TMPRSS15: variants seen among roughly 807,000 people sequenced by gnomAD.
TMPRSS15 encodes the protein enteropeptidase.
TMPRSS15 carries 128 observed loss-of-function variants against 125.3 expected under a neutral mutation model. That is an observed-to-expected ratio of 1.02 (90% CI 0.89 to 1.18). TMPRSS15 has a LOEUF of 1.18. Among genes scored for constraint, TMPRSS15 ranks in the 50% most tolerant of loss-of-function variants. TMPRSS15 has a pLI of 0.00. For synonymous variants in TMPRSS15, 446 were observed against 423.2 expected, an observed-to-expected ratio of 1.05 and a Z score of -0.66; for missense variants, 1,283 against 1,212.7, an observed-to-expected ratio of 1.06 and a Z score of -0.86.
rs747421061 is a variant in TMPRSS15 at position 18,294,275 on chromosome 21, C to T, written c.2481G>A (p.Val827=). The T allele has an allele frequency of 8.1e-6, 13 of 1,614,078 alleles. No homozygotes were observed. The African/African-American group carries it at 1.1e-4, about 13-fold the overall frequency. ...ACACTTGACATCACACTCACCCATACACGCAGTGTGCGGCGGACACCAGCC... is the reference window on the plus strand; with the variant it reads ...ACACTTGACATCACACTCACCCATATACGCAGTGTGCGGCGGACACCAGCC... ...SDWLVSAAHC[V]YGRNLEPSKW... The change falls in exon 21 of 25, where the codon GTG becomes GTA. Residue 827 remains valine (V), a synonymous_variant. Coordinates refer to ENST00000284885, the MANE Select transcript of TMPRSS15 (RefSeq NM_002772.3).
intron 18 of TMPRSS15, among the ~76,000 whole-genome samples, chr21:18,308,071 C>T (rs1159616551): frequency 1.3e-5 from 2 of 152,172 alleles, no homozygotes. Flanking sequence ...TCTTTAGAAA[C>T]TAAGTTCCTG....
chr21:18,467,550 T>C (rs1026220946), intron 1 of TMPRSS15, among the ~76,000 whole-genome samples: 1 of 152,122 alleles, frequency 6.6e-6, no homozygotes, highest in Non-Finnish European at 1.5e-5. Context: ...TTACCTTTGA[T>C]TATTTTGTTA....
Position 18,275,216 on chromosome 21 carries a change from C to T in TMPRSS15, c.2885G>A (p.Gly962Glu). The change falls in exon 24 of 25, where the codon GGA becomes GAA. Residue 962 changes from glycine to glutamate, a missense_variant. By Grantham distance (98) the Gly-to-Glu change is moderately conservative. Coordinates refer to ENST00000284885, the MANE Select transcript of TMPRSS15 (RefSeq NM_002772.3). ...ENMICAGYEE[G>E]GIDSCQGDSG... ...CTTTACCTGACAAGAATCTATTCCT[C>T]CTTCTTCATAGCCTGCACATATCAT... 2 of 1,614,040 alleles carry T rather than the reference C, an allele frequency of 1.2e-6. No homozygotes were observed. The highest frequency in any genetic ancestry group is 1.7e-6 in the Non-Finnish European group (2 of 1,179,962).
At chr21:18,342,118 C>T (rs759050408) in intron 12 of TMPRSS15, among the ~76,000 whole-genome samples, 1 of 152,054 alleles carries the variant, frequency 6.6e-6, no homozygotes, top group Non-Finnish European at 1.5e-5. Flanking sequence ...GCCCGGAGGA[C>T]ACAGAACGAG....
At chr21:18,397,829 A>G in intron 3 of TMPRSS15, 50 bp downstream of exon 3, 1 of 1,071,444 alleles carries the variant, frequency 9.3e-7, no homozygotes, top group East Asian at 2.6e-5. Context: ...AAATATTAGC[A>G]AAAAAATCAC....
intron 6 of TMPRSS15, among the ~76,000 whole-genome samples, chr21:18,368,772 G>T (rs1403386827): frequency 6.6e-6 from 1 of 152,094 alleles, no homozygotes; most frequent in Non-Finnish European, 1.5e-5. Flanking sequence ...GTCAATTCCT[G>T]CATTCAAGCA....
At chr21:18,363,249 A>T (rs538712741) in intron 7 of TMPRSS15, among the ~76,000 whole-genome samples, 1 of 152,246 alleles carries the variant, frequency 6.6e-6, no homozygotes, top group South Asian at 2.1e-4. Context: ...TTGGGGTAAC[A>T]TCTTAGGTTC....
chr21:18,470,288 G>GACCCTA (rs1251163562), intron 1 of TMPRSS15, among the ~76,000 whole-genome samples: 1 of 151,120 alleles, frequency 6.6e-6, no homozygotes, highest in African/African-American at 2.4e-5. Context: ...CCATGTACTT[G>GACCCTA]ACCCTCCTAT....
chr21:18,477,433 A>T (rs972519287), intron 1 of TMPRSS15: 1 of 152,112 alleles, frequency 6.6e-6, no homozygotes, highest in Non-Finnish European at 1.5e-5. Context: ...TATAGATAGA[A>T]AGTTCATACA....
intron 1 of TMPRSS15, among the ~76,000 whole-genome samples, chr21:18,411,470 G>A (rs932048358): frequency 7.2e-5 from 11 of 151,876 alleles, no homozygotes; most frequent in Non-Finnish European, 7.4e-5. Context: ...TATGATTTAT[G>A]TCTCTTTACA....
At chr21:18,413,312 T>TCCTTCC (rs2076171590) in intron 1 of TMPRSS15, among the ~76,000 whole-genome samples, 15 of 94,860 alleles carry the variant, frequency 1.6e-4, no homozygotes, top group South Asian at 4.1e-4. Flanking sequence ...TTTTCTTTCT[T>TCCTTCC]TTCCTTCCTT....
At chr21:18,457,244 A>G (rs1322118807) in intron 1 of TMPRSS15, among the ~76,000 whole-genome samples, 1 of 152,126 alleles carries the variant, frequency 6.6e-6, no homozygotes. Flanking sequence ...AATTTTTCAT[A>G]CAGAGTTAGA....
chr21:18,471,649 AATG>A (rs1430970094), intron 1 of TMPRSS15, among the ~76,000 whole-genome samples: 4 of 152,084 alleles, frequency 2.6e-5, no homozygotes, highest in South Asian at 2.1e-4. Context: ...TTGAAAACTT[AATG>A]ATAATTTTTA....
intron 1 of TMPRSS15, among the ~76,000 whole-genome samples, chr21:18,448,678 C>T (rs1484063179): frequency 2.0e-5 from 3 of 151,948 alleles, no homozygotes; most frequent in African/African-American, 7.2e-5. Flanking sequence ...TTATATGATA[C>T]ATTTATATAA....
chr21:18,308,376 T>TACACACAGAC (rs2075058750), intron 18 of TMPRSS15, among the ~76,000 whole-genome samples: 1 of 148,676 alleles, frequency 6.7e-6, no homozygotes, highest in Admixed American at 6.7e-5. Flanking sequence ...TAAAAAGAAT[T>TACACACAGAC]ACACACACAC....
Position 18,269,964 on chromosome 21 carries a change from A to C in TMPRSS15, c.*5T>G. On this transcript the variant is annotated 3_prime_UTR_variant, in exon 25 of 25. Transcript: ENST00000284885. Reference sequence around the variant, plus strand: ...GCGACTTTCCTGTTTAGTTTAAGAAATGCGCTAATGTAGAAAACTTTGTAT... The same window carrying C: ...GCGACTTTCCTGTTTAGTTTAAGAACTGCGCTAATGTAGAAAACTTTGTAT... 9 of 1,613,718 alleles carry C rather than the reference A, an allele frequency of 5.6e-6. No individual in the cohort carries two copies. Among genetic ancestry groups the C allele is most frequent in the Non-Finnish European group, 5.9e-6 (7 of 1,179,706 alleles).
At chr21:18,315,814 G>T (rs1225852606) in intron 16 of TMPRSS15, among the ~76,000 whole-genome samples, 2 of 146,484 alleles carry the variant, frequency 1.4e-5, no homozygotes, top group Non-Finnish European at 3.0e-5. Flanking sequence ...TGCACGTTGT[G>T]CACGTGTACC....
chr21:18,338,570 A>G (rs1180218438), intron 13 of TMPRSS15, among the ~76,000 whole-genome samples: 1 of 152,132 alleles, frequency 6.6e-6, no homozygotes, highest in Admixed American at 6.6e-5. Flanking sequence ...CAAATCCAAA[A>G]TTACTGCATT....
chr21:18,472,445 G>A (rs1190521232), intron 1 of TMPRSS15, among the ~76,000 whole-genome samples: 1 of 129,552 alleles, frequency 7.7e-6, no homozygotes, highest in African/African-American at 3.1e-5. Flanking sequence ...CAAATTTAAA[G>A]CTAAAAGAAT....
Sources: allele counts gnomAD v4.1 joint callset (sites outside exome capture counted in the v4.1 genomes callset), GRCh38; gene constraint gnomAD v4.1.1; transcripts MANE v1.5; gene names NCBI Gene and HGNC (gene_info 2026-07-23, HGNC 2026-07-21).